The following SORCS2 variants were observed in gnomAD, a reference collection of about 807,000 sequenced individuals.
SORCS2 encodes the protein sortilin related VPS10 domain containing receptor 2.
A neutral mutation model predicts 141.6 loss-of-function variants in SORCS2; 100 were observed. That is an observed-to-expected ratio of 0.71 (90% CI 0.60 to 0.83). SORCS2 has a LOEUF of 0.83. SORCS2 is among the 40% of genes least tolerant of loss of function. The pLI is 0.00. For missense variants in SORCS2, 1,646 were observed against 1,560.2 expected, an observed-to-expected ratio of 1.05 and a Z score of -0.93; for synonymous variants, 789 against 676.9, an observed-to-expected ratio of 1.17 and a Z score of -2.57.
At chr4:7,270,280 G>A (rs1335765295) in intron 1 of SORCS2, among the ~76,000 whole-genome samples, 4 of 152,258 alleles carry the variant, frequency 2.6e-5, no homozygotes, top group Admixed American at 6.5e-5. Context: ...GACAGCACGC[G>A]TGTGGGTGCA....
At chr4:7,673,817 C>A (rs1446819389) in intron 8 of SORCS2, among the ~76,000 whole-genome samples, 1 of 152,114 alleles carries the variant, frequency 6.6e-6, no homozygotes, top group Non-Finnish European at 1.5e-5. Flanking sequence ...ACGCCAAGCC[C>A]CCGAGCTCAA....
chr4:7,564,481 A>G (rs1714822908), intron 3 of SORCS2, among the ~76,000 whole-genome samples: 1 of 152,206 alleles, frequency 6.6e-6, no homozygotes, highest in African/African-American at 2.4e-5. Context: ...TTGTTTACTC[A>G]GTTACTGCTA....
At chr4:7,461,749 G>C (rs1198756144) in intron 2 of SORCS2, among the ~76,000 whole-genome samples, 1 of 152,142 alleles carries the variant, frequency 6.6e-6, no homozygotes, top group African/African-American at 2.4e-5. Flanking sequence ...CGTTCTGGGT[G>C]CCTCACCTCT....
chr4:7,471,536 C>T (rs1046349351), intron 2 of SORCS2, among the ~76,000 whole-genome samples: 2 of 152,222 alleles, frequency 1.3e-5, no homozygotes, highest in South Asian at 2.1e-4. Flanking sequence ...GGGAGCAGAA[C>T]GAAGATCAGC....
Position 7,531,632 on chromosome 4 carries a change from A to C in SORCS2, c.648+3A>C. On this transcript the variant is annotated splice_donor_region_variant and intron_variant, in intron 3 of 26. Transcript: ENST00000507866. ...TCTGCCCGACCAACAAGAGGAAGGT[A>C]GGTGCTGGCTGGGGGTGGCCGCCAC... is the stretch of plus-strand genomic sequence containing the variant. 6.2e-7 allele frequency: 1 copy of C among 1,613,172 alleles called. No individual in the cohort carries two copies. Among genetic ancestry groups the C allele is most frequent in the Non-Finnish European group, 8.5e-7 (1 of 1,179,564 alleles).
intron 3 of SORCS2, among the ~76,000 whole-genome samples, chr4:7,622,669 A>T (rs958394014): frequency 3.9e-5 from 6 of 152,092 alleles, no homozygotes; most frequent in Non-Finnish European, 7.4e-5. Context: ...AGGGGGCTTC[A>T]TGCAGGACGG....
intron 1 of SORCS2, among the ~76,000 whole-genome samples, chr4:7,275,273 T>C (rs1715426428): frequency 6.6e-6 from 1 of 152,176 alleles, no homozygotes; most frequent in African/African-American, 2.4e-5. Flanking sequence ...CTCGAAGTCA[T>C]GGTCAAGAGC....
At chr4:7,526,476 A>G (rs2109527266) in intron 2 of SORCS2, among the ~76,000 whole-genome samples, 1 of 152,356 alleles carries the variant, frequency 6.6e-6, no homozygotes, top group South Asian at 2.1e-4. Flanking sequence ...AACTATGACG[A>G]TGATAAAAGG....
At chr4:7,407,316 CT>C (rs1372752173) in intron 2 of SORCS2, among the ~76,000 whole-genome samples, 6 of 152,078 alleles carry the variant, frequency 3.9e-5, no homozygotes, top group Non-Finnish European at 8.8e-5. Flanking sequence ...CAGTCTATCT[CT>C]TCCTTTAGAT....
chr4:7,710,453 A>G (rs1484142178), intron 14 of SORCS2, among the ~76,000 whole-genome samples: 2 of 152,210 alleles, frequency 1.3e-5, no homozygotes, highest in African/African-American at 4.8e-5. Context: ...ATAATGCCAC[A>G]GGCCACAGGA....
At chr4:7,628,249 G>A (rs1199753712) in intron 3 of SORCS2, among the ~76,000 whole-genome samples, 3 of 152,156 alleles carry the variant, frequency 2.0e-5, no homozygotes, top group Admixed American at 6.5e-5. Flanking sequence ...TCGGCCAGGC[G>A]CGGTGGCTCA....
intron 11 of SORCS2, among the ~76,000 whole-genome samples, chr4:7,693,077 G>A (rs538789882): frequency 3.3e-5 from 5 of 152,282 alleles, no homozygotes; most frequent in East Asian, 3.9e-4. Flanking sequence ...TGCCGGTGGC[G>A]GGTTCTTCCC....
At position 7,467,123 on chromosome 4, in the gene SORCS2, C is replaced by T. The variant is rs142645041; in HGVS notation, c.549-64407C>T. On this transcript the variant is annotated intron_variant, in intron 2 of 26. Transcript: ENST00000507866. ...CGGTCCAGCCTGGCGTCCCCCCAGG[C>T]GTTTGGCAGCTGCAGTTTTCCTGGC... Among the ~76,000 whole-genome samples, 76 of 152,266 alleles carry T rather than the reference C, an allele frequency of 5.0e-4. No homozygotes were observed. The East Asian group carries it at 0.011, about 23-fold the overall frequency.
At chr4:7,561,990 A>G (rs538899518) in intron 3 of SORCS2, among the ~76,000 whole-genome samples, 1 of 152,306 alleles carries the variant, frequency 6.6e-6, no homozygotes, top group Non-Finnish European at 1.5e-5. Context: ...CATCCGTCCC[A>G]CAAATATTTC....
intron 3 of SORCS2, among the ~76,000 whole-genome samples, chr4:7,606,515 G>A (rs1718075390): frequency 6.6e-6 from 1 of 152,058 alleles, no homozygotes; most frequent in African/African-American, 2.4e-5. Flanking sequence ...CCTCTCAGAA[G>A]TTTCCAGAGC....
At chr4:7,223,855 T>C (rs1489504682) in intron 1 of SORCS2, among the ~76,000 whole-genome samples, 2 of 151,760 alleles carry the variant, frequency 1.3e-5, no homozygotes, top group Non-Finnish European at 1.5e-5. Context: ...CATTCTGAAG[T>C]CCATGCTGTT....
chr4:7,225,056 A>T (rs1422433203), intron 1 of SORCS2, among the ~76,000 whole-genome samples: 2 of 152,248 alleles, frequency 1.3e-5, no homozygotes, highest in Non-Finnish European at 2.9e-5. Flanking sequence ...ATATGTTGGC[A>T]GACTCCTATT....
intron 1 of SORCS2, among the ~76,000 whole-genome samples, chr4:7,241,198 C>A (rs539321670): frequency 3.9e-5 from 6 of 152,320 alleles, no homozygotes; most frequent in African/African-American, 1.4e-4. Flanking sequence ...CTTGGCCTCC[C>A]AAAGTGCTGG....
At chr4:7,473,384 A>G (rs116345861) in intron 2 of SORCS2, among the ~76,000 whole-genome samples, 3,084 of 152,210 alleles carry the variant, frequency 0.02, 91 homozygotes, top group African/African-American at 0.07. Context: ...GGGATTGGGT[A>G]TACGGATGCC....
Sources: allele counts gnomAD v4.1 joint callset (sites outside exome capture counted in the v4.1 genomes callset), GRCh38; gene constraint gnomAD v4.1.1; transcripts MANE v1.5; gene names NCBI Gene and HGNC (gene_info 2026-07-23, HGNC 2026-07-21).